The following ATP7B variants were observed in gnomAD, a reference collection of about 807,000 sequenced individuals.
The protein encoded by ATP7B is copper-transporting ATPase 2.
ATP7B carries 113 observed loss-of-function variants against 118.9 expected under a neutral mutation model. The ratio of observed to expected loss-of-function variants is 0.95; its 90% CI spans 0.82 to 1.11. The LOEUF (loss-of-function observed/expected upper bound fraction) is 1.11, where lower values mean the gene tolerates loss of function less well. ATP7B is among the 50% of genes most tolerant of loss of function. ATP7B has a pLI of 0.00. For synonymous variants in ATP7B, 777 were observed against 727.4 expected, an observed-to-expected ratio of 1.07 and a Z score of -1.10; for missense variants, 1,867 against 1,871.4, an observed-to-expected ratio of 1.00 and a Z score of 0.04.
At chr13:52,011,987 A>C (rs1954053637), upstream of ATP7B, 5 of 320,386 alleles carry the variant, frequency 1.6e-5, no homozygotes, top group South Asian at 1.4e-4. Context: ...TGGGTCCCAA[A>C]GGAAGCAACC....
intron 6 of ATP7B, among the ~76,000 whole-genome samples, chr13:51,960,935 G>A (rs1593736011): frequency 6.6e-6 from 1 of 152,054 alleles, no homozygotes; most frequent in Admixed American, 6.5e-5. Context: ...CCTAAAACAT[G>A]ACATGAAAAC....
intron 13 of ATP7B, among the ~76,000 whole-genome samples, chr13:51,945,829 AG>A (rs1322871704): frequency 2.6e-5 from 4 of 152,110 alleles, no homozygotes; most frequent in Admixed American, 2.0e-4. Context: ...GTTGGGCAAA[AG>A]GAAGACTCTT....
At position 51,949,772 on chromosome 13, in the gene ATP7B, G is replaced by C. The variant is rs121907993; in HGVS notation, c.2755C>G (p.Arg919Gly). ...AATGGGACAAAATATCCACTAAACC[G>C]GTCAGCCAGCTGCTGAATGGGTGCC... The part of the protein sequence containing the change: ...SKAPIQQLAD[R>G]FSGYFVPFII... The change falls in exon 12 of 21, where the codon CGG (arginine) becomes GGG (glycine). Residue 919 changes from arginine (R) to glycine (G), a missense_variant. Arg to Gly is a moderately radical substitution (Grantham distance 125). Coordinates refer to ENST00000242839, the MANE Select transcript of ATP7B (RefSeq NM_000053.4). 22 of 1,613,962 alleles carry C rather than the reference G, an allele frequency of 1.4e-5. No homozygotes were observed. The East Asian group carries it at 4.7e-4, about 34-fold the overall frequency.
In ATP7B at chr13:51,968,555, A is replaced by G; in HGVS notation, c.1596T>C (p.Tyr532=). 6.2e-7 allele frequency: 1 copy of G among 1,614,196 alleles called. No homozygotes were observed. The highest frequency in any genetic ancestry group is 8.5e-7 in the Non-Finnish European group (1 of 1,180,036). The change falls in exon 4 of 21, where the codon TAT becomes TAC. Residue 532 remains tyrosine (Y), a synonymous_variant. Coordinates refer to ENST00000242839, the MANE Select transcript of ATP7B (RefSeq NM_000053.4). The part of the protein sequence containing the change: ...ALMAGKAEIK[Y]DPEVIQPLEI... ...CGAGGGGCTGGATGACCTCTGGGTC[A>G]TACTTGATCTCTGCCTTTCCTGCCA...
intron 1 of ATP7B, among the ~76,000 whole-genome samples, chr13:51,984,439 C>G (rs1274959679): frequency 1.3e-5 from 2 of 152,138 alleles, no homozygotes; most frequent in Non-Finnish European, 1.5e-5. Context: ...ATAAGTTTGA[C>G]TGGTGTACCT....
rs780811477 is a variant in ATP7B at position 51,935,599 on chromosome 13, A to C, written c.4118T>G (p.Leu1373Arg). Residue 1373 changes from leucine to arginine, a missense_variant, in exon 20 of 21, where the codon CTC becomes CGC. Coordinates refer to ENST00000242839, the MANE Select transcript of ATP7B (RefSeq NM_000053.4). The part of the protein sequence containing the change: ...SVSVVLSSLQ[L>R]KCYKKPDLER... Reference sequence around the variant, plus strand: ...TCCACCTGAGGGGACTCACCACTTGAGCTGCAGGGATGAGAGCACCACAGA... The same window carrying C: ...TCCACCTGAGGGGACTCACCACTTGCGCTGCAGGGATGAGAGCACCACAGA... 1.2e-6 allele frequency: 2 copies of C among 1,613,284 alleles called. No individual in the cohort carries two copies. Among genetic ancestry groups the C allele is most frequent in the Non-Finnish European group, 1.7e-6 (2 of 1,179,780 alleles).
At chr13:51,958,779 C>G in intron 7 of ATP7B, 1 of 543,492 alleles carries the variant, frequency 1.8e-6, no homozygotes, top group African/African-American at 1.9e-5. Context: ...GCTTACAACA[C>G]AAATGTCCTC....
At chr13:51,946,156 T>C (rs996692051) in intron 13 of ATP7B, 128 bp downstream of exon 13, 10 of 1,285,880 alleles carry the variant, frequency 7.8e-6, no homozygotes, top group African/African-American at 4.4e-5. Context: ...CCAGTTATAC[T>C]TGACTTCCTA....
chr13:51,945,625 T>C (rs1184810856), intron 13 of ATP7B, among the ~76,000 whole-genome samples: 1 of 152,176 alleles, frequency 6.6e-6, no homozygotes, highest in East Asian at 1.9e-4. Context: ...GCACCACCAG[T>C]CAATACTCAG....
Position 51,958,399 on chromosome 13 carries a change from G to A in ATP7B, c.2267C>T (p.Ala756Val), listed in dbSNP as rs769927137. The A allele has an allele frequency of 1.2e-5, 20 of 1,614,080 alleles. No individual in the cohort carries two copies. The highest frequency in any genetic ancestry group is 1.6e-4 in the Middle Eastern group (1 of 6,084). The change falls in exon 8 of 21, where the codon GCG becomes GTG. Residue 756 changes from alanine (A) to valine (V), a missense_variant. By Grantham distance (64) the Ala-to-Val change is moderately conservative (BLOSUM62 0). Transcript: ENST00000242839. Reference protein sequence around the residue: ...VILVVAVAEKAERSPVTFFDT... With the variant: ...VILVVAVAEKVERSPVTFFDT... ...GAAGAATGTCACAGGGCTCCTCTCC[G>A]CCTTCTCAGCCACAGCAACCACCAG...
At chr13:51,973,492 G>A (rs897524701) in intron 2 of ATP7B, among the ~76,000 whole-genome samples, 13 of 152,270 alleles carry the variant, frequency 8.5e-5, no homozygotes, top group Middle Eastern at 3.4e-3. Context: ...GTGTGGCATC[G>A]AGGCTTTCTA....
chr13:51,934,647 G>C lies in ATP7B; in HGVS notation c.*109C>G. The C allele has an allele frequency of 6.5e-7, 1 of 1,527,990 alleles. No individual in the cohort carries two copies. Among genetic ancestry groups the C allele is most frequent in the East Asian group, 2.3e-5 (1 of 43,698 alleles). The allele number at this position is 1,527,990 out of a possible 1,614,324, so 94.7% of individuals were successfully genotyped here. On this transcript the variant is annotated 3_prime_UTR_variant, in exon 21 of 21. Coordinates refer to ENST00000242839, the MANE Select transcript of ATP7B (RefSeq NM_000053.4). The stretch of plus-strand genomic sequence containing the variant: ...GATGACTGGACATATCCAGGGAGCG[G>C]AAGTCCCCAAAGCTGGAGGCTAGCT...
At chr13:51,946,499 G>C (rs763362019) in intron 12 of ATP7B, 21 bp from the exon 13 acceptor site, 1 of 1,613,414 alleles carries the variant, frequency 6.2e-7, no homozygotes, top group Admixed American at 1.7e-5. Context: ...GACAGAGTCA[G>C]AGGCAGGTTG....
In ATP7B at chr13:51,939,193, C is replaced by T. The variant is rs766800003; in HGVS notation, c.3557G>A (p.Gly1186Asp). 2 of 1,613,080 alleles carry T rather than the reference C, an allele frequency of 1.2e-6. No homozygotes were observed. The highest frequency in any genetic ancestry group is 1.7e-5 in the Admixed American group (1 of 60,032). ...GQTAILVAID[G>D]VLCGMIAIAD... ...GATTGCGATCATCCCACAGAGCACA[C>T]CTGGAGCGAACCAGCCAGCATCAGC... The change falls in exon 17 of 21, where the codon GGT becomes GAT. Residue 1186 changes from glycine to aspartate, a missense_variant and splice_region_variant. By Grantham distance (94) the Gly-to-Asp change is moderately conservative (BLOSUM62 -1). Coordinates refer to ENST00000242839, the MANE Select transcript of ATP7B (RefSeq NM_000053.4).
intron 1 of ATP7B, among the ~76,000 whole-genome samples, chr13:51,999,663 C>T (rs966965623): frequency 2.0e-5 from 3 of 152,190 alleles, no homozygotes; most frequent in East Asian, 3.9e-4. Flanking sequence ...AACTCCAACA[C>T]GGCTTTACTC....
At position 51,934,728 on chromosome 13, in the gene ATP7B, C is replaced by T; in HGVS notation, c.*28G>A. On this transcript the variant is annotated 3_prime_UTR_variant, in exon 21 of 21. Coordinates refer to ENST00000242839, the MANE Select transcript of ATP7B (RefSeq NM_000053.4). ...AGCTTGTGGTGAGTGGAGGCAAGTC[C>T]CTGCCCCGGCCCGCCTGCCTGAAGT... is the stretch of plus-strand genomic sequence containing the variant. 1 of 1,611,220 alleles carries T rather than the reference C, an allele frequency of 6.2e-7. No homozygotes were observed. Among genetic ancestry groups the T allele is most frequent in the Non-Finnish European group, 8.5e-7 (1 of 1,180,020 alleles).
chr13:51,955,358 G>A (rs1000320202), intron 9 of ATP7B, among the ~76,000 whole-genome samples: 7 of 152,178 alleles, frequency 4.6e-5, no homozygotes, highest in African/African-American at 1.7e-4. Context: ...GGTTGGGCTC[G>A]GGGTGTGCTG....
At position 51,958,552 on chromosome 13, in the gene ATP7B, A is replaced by C. The variant is rs193922102; in HGVS notation, c.2122-8T>G. 9 of 1,612,894 alleles carry C rather than the reference A, an allele frequency of 5.6e-6. No individual in the cohort carries two copies. The highest frequency in any genetic ancestry group is 1.7e-5 in the Admixed American group (1 of 60,026). On this transcript the variant is annotated splice_polypyrimidine_tract_variant and splice_region_variant and intron_variant, in intron 7 of 20. Coordinates refer to ENST00000242839, the MANE Select transcript of ATP7B (RefSeq NM_000053.4). ...GTACCACCCACCGAGGAGCTGAAAGACAAGGACAGTGAAGGCTGCCAGCAA... is the reference window on the plus strand; with the variant it reads ...GTACCACCCACCGAGGAGCTGAAAGCCAAGGACAGTGAAGGCTGCCAGCAA...
chr13:52,004,278 C>G (rs1167342235), intron 1 of ATP7B, among the ~76,000 whole-genome samples: 1 of 152,114 alleles, frequency 6.6e-6, no homozygotes, highest in African/African-American at 2.4e-5. Flanking sequence ...AAAGAGAGAG[C>G]AGGATTATCC....
Sources: gnomAD v4.1 joint callset for allele counts (sites outside exome capture counted in the v4.1 genomes callset) on GRCh38, gnomAD v4.1.1 for gene constraint, MANE v1.5 for transcripts, NCBI Gene and HGNC (gene_info 2026-07-23, HGNC 2026-07-21) for gene names.